The following ANKRD55 variants were observed in gnomAD, a reference collection of about 807,000 sequenced individuals.
ANKRD55 encodes ankyrin repeat domain 55, also known as ankyrin repeat domain-containing protein 55.
ANKRD55 carries 41 observed loss-of-function variants against 60.6 expected under a neutral mutation model. The ratio of observed to expected loss-of-function variants is 0.68; its 90% CI spans 0.53 to 0.88. The LOEUF (loss-of-function observed/expected upper bound fraction) is 0.88. ANKRD55 is among the 40% of genes least tolerant of loss of function. The pLI is 0.00. For missense variants in ANKRD55, 732 were observed against 767.6 expected, an observed-to-expected ratio of 0.95 and a Z score of 0.55; for synonymous variants, 264 against 290.3, an observed-to-expected ratio of 0.91 and a Z score of 0.92.
At chr5:56,141,111 G>C (rs1414547221) in intron 7 of ANKRD55, among the ~76,000 whole-genome samples, 1 of 144,068 alleles carries the variant, frequency 6.9e-6, no homozygotes, top group African/African-American at 2.6e-5. Context: ...GTGTATGTGT[G>C]TACATGCATG....
intron 2 of ANKRD55, among the ~76,000 whole-genome samples, chr5:56,225,929 G>A (rs909341429): frequency 6.6e-6 from 1 of 152,174 alleles, no homozygotes; most frequent in Non-Finnish European, 1.5e-5. Flanking sequence ...TAGATTCAAT[G>A]CCATCCCCGT....
intron 6 of ANKRD55, among the ~76,000 whole-genome samples, chr5:56,153,089 GA>G (rs1428137713): frequency 1.1e-4 from 17 of 152,076 alleles, no homozygotes; most frequent in Admixed American, 8.5e-4. Context: ...AGATCAATAA[GA>G]AAATGACAAC....
At chr5:56,132,643 A>G (rs1455011467) in intron 7 of ANKRD55, among the ~76,000 whole-genome samples, 1 of 151,932 alleles carries the variant, frequency 6.6e-6, no homozygotes, top group Non-Finnish European at 1.5e-5. Context: ...AGTAACAAAT[A>G]TGATCGATGT....
intron 2 of ANKRD55, among the ~76,000 whole-genome samples, chr5:56,195,225 G>T (rs1177285769): frequency 2.0e-5 from 3 of 152,098 alleles, no homozygotes; most frequent in Non-Finnish European, 4.4e-5. Context: ...ATTCACAAAT[G>T]TTTCATTCTA....
chr5:56,208,689 G>C (rs1055771878), intron 2 of ANKRD55, among the ~76,000 whole-genome samples: 1 of 152,168 alleles, frequency 6.6e-6, no homozygotes, highest in African/African-American at 2.4e-5. Flanking sequence ...CTCCCAAAGT[G>C]CTGGATTACA....
At chr5:56,211,300 T>G (rs1441626947) in intron 2 of ANKRD55, among the ~76,000 whole-genome samples, 1 of 152,198 alleles carries the variant, frequency 6.6e-6, no homozygotes, top group African/African-American at 2.4e-5. Flanking sequence ...TTTCAATGCC[T>G]GAGTAACAGT....
In ANKRD55 at chr5:56,100,080, C is replaced by T; in HGVS notation, c.*103G>A. ...TATAAAACTGATGGCTTATAGAATGCAGCTTACTAAATTGGTCTTCGTTCT... is the reference window on the plus strand; with the variant it reads ...TATAAAACTGATGGCTTATAGAATGTAGCTTACTAAATTGGTCTTCGTTCT... On this transcript the variant is annotated 3_prime_UTR_variant, in exon 12 of 12. Coordinates refer to ENST00000341048, the MANE Select transcript of ANKRD55 (RefSeq NM_024669.3). 6.8e-7 allele frequency: 1 copy of T among 1,471,538 alleles called. No homozygotes were observed. The allele number at this position is 1,471,538 out of a possible 1,614,324, so 91.2% of individuals were successfully genotyped here.
intron 5 of ANKRD55, among the ~76,000 whole-genome samples, chr5:56,166,243 TTCTC>T (rs1399754334): frequency 8.1e-5 from 12 of 147,264 alleles, no homozygotes; most frequent in Non-Finnish European, 1.6e-4. Context: ...CTCTCTATCT[TTCTC>T]TCTTTCTTTC....
intron 7 of ANKRD55, among the ~76,000 whole-genome samples, chr5:56,133,438 C>CA (rs56100693): frequency 0.39 from 23,436 of 59,412 alleles, 7,314 homozygotes; most frequent in African/African-American, 0.45. Context: ...GACTCCGTCT[C>CA]AAAAAAAAAA....
At chr5:56,145,437 T>TGGAAGATG (rs1757874037) in intron 6 of ANKRD55, among the ~76,000 whole-genome samples, 1 of 152,212 alleles carries the variant, frequency 6.6e-6, no homozygotes, top group Non-Finnish European at 1.5e-5. Flanking sequence ...GACAAGGCTC[T>TGGAAGATG]GGAAGATGCT....
chr5:56,176,415 T>C, intron 3 of ANKRD55, 133 bp from the exon 4 acceptor site: 2 of 914,354 alleles, frequency 2.2e-6, no homozygotes, highest in Middle Eastern at 2.2e-4. Flanking sequence ...TGAAGGGAGA[T>C]GAAGCTGATT....
intron 2 of ANKRD55, among the ~76,000 whole-genome samples, chr5:56,221,155 C>T (rs1017031390): frequency 3.3e-5 from 5 of 152,188 alleles, no homozygotes; most frequent in Admixed American, 2.0e-4. Context: ...ATTCCCTTTC[C>T]TTTCCCATCT....
At chr5:56,181,986 T>G (rs1758859022) in intron 3 of ANKRD55, among the ~76,000 whole-genome samples, 1 of 151,658 alleles carries the variant, frequency 6.6e-6, no homozygotes, top group Admixed American at 6.6e-5. Flanking sequence ...ATAGGCTTAT[T>G]TTTTTTTTAC....
intron 4 of ANKRD55, among the ~76,000 whole-genome samples, chr5:56,172,568 T>C (rs1002545283): frequency 4.2e-5 from 6 of 141,792 alleles, no homozygotes; most frequent in African/African-American, 1.9e-4. Context: ...TGTGTGTCAA[T>C]GGTTTTCTGA....
intron 2 of ANKRD55, among the ~76,000 whole-genome samples, chr5:56,212,510 A>C (rs967010850): frequency 1.6e-4 from 24 of 152,240 alleles, no homozygotes; most frequent in African/African-American, 5.3e-4. Flanking sequence ...CAAAATAATA[A>C]TAATTTATTA....
chr5:56,114,671 G>A (rs553071493), intron 9 of ANKRD55, among the ~76,000 whole-genome samples: 1 of 152,254 alleles, frequency 6.6e-6, no homozygotes, highest in African/African-American at 2.4e-5. Context: ...TAAAGTATAA[G>A]GTATAGTAAT....
intron 2 of ANKRD55, among the ~76,000 whole-genome samples, chr5:56,194,099 C>T (rs1286017361): frequency 4.6e-5 from 7 of 152,012 alleles, no homozygotes; most frequent in African/African-American, 9.7e-5. Flanking sequence ...AGGTGGATCA[C>T]GAGGTCAGGA....
At position 56,194,100 on chromosome 5, in the gene ANKRD55, GA is replaced by G. The variant is rs1350987410; in HGVS notation, c.59-10467del. On this transcript the variant is annotated intron_variant, in intron 2 of 11. Coordinates refer to ENST00000341048, the MANE Select transcript of ANKRD55 (RefSeq NM_024669.3). Reference sequence around the variant, plus strand: ...TGGGAGGCCAAAGCAGGTGGATCACGAGGTCAGGAGATTGAGACCACCCTGG... The same window carrying G: ...TGGGAGGCCAAAGCAGGTGGATCACGGGTCAGGAGATTGAGACCACCCTGG... 3.3e-5 allele frequency among the ~76,000 whole-genome samples: 5 copies of G among 152,124 alleles called. No homozygotes were observed. In the East Asian group the frequency reaches 9.7e-4, roughly 29 times the overall value.
chr5:56,109,062 C>A (rs972538642), intron 10 of ANKRD55, among the ~76,000 whole-genome samples: 1 of 151,716 alleles, frequency 6.6e-6, no homozygotes, highest in African/African-American at 2.4e-5. Context: ...CACACACACA[C>A]ACACACACAC....
Sources: allele counts gnomAD v4.1 joint callset (sites outside exome capture counted in the v4.1 genomes callset), GRCh38; gene constraint gnomAD v4.1.1; transcripts MANE v1.5; gene names NCBI Gene and HGNC (gene_info 2026-07-23, HGNC 2026-07-21).